RELB: variants seen among roughly 807,000 people sequenced by gnomAD.
RELB encodes the protein RELB proto-oncogene, NF-kB subunit, also known as transcription factor RelB.
In RELB, 14 loss-of-function variants were observed where a neutral mutation model predicts 55.4. That is an observed-to-expected ratio of 0.25 (90% CI 0.17 to 0.40). RELB has a LOEUF of 0.40. Among genes scored for constraint, RELB ranks in the 10% least tolerant of loss-of-function variants. RELB has a pLI of 1.00. For synonymous variants in RELB, 409 were observed against 371.3 expected, an observed-to-expected ratio of 1.10 and a Z score of -1.17; for missense variants, 669 against 830.7, an observed-to-expected ratio of 0.81 and a Z score of 2.39.
intron 5 of RELB, among the ~76,000 whole-genome samples, chr19:45,023,424 C>T (rs1224814760): frequency 6.6e-6 from 1 of 151,514 alleles, no homozygotes; most frequent in Non-Finnish European, 1.5e-5. Flanking sequence ...TTCCTTCCTT[C>T]CTTCCTTCCG....
chr19:45,021,456 CAAAAAAAA>C (rs527934701), intron 4 of RELB, among the ~76,000 whole-genome samples: 854 of 68,920 alleles, frequency 0.012, 13 homozygotes, highest in African/African-American at 0.052. Context: ...GACTCCATCT[CAAAAAAAA>C]AAAAAAAAAA....
intron 4 of RELB, among the ~76,000 whole-genome samples, chr19:45,014,664 C>T (rs559783765): frequency 3.1e-4 from 45 of 144,560 alleles, no homozygotes; most frequent in African/African-American, 1.0e-3. Context: ...ATTACAGGCA[C>T]GCGCCATGAT....
At chr19:45,036,272 C>A (rs1013764554) in intron 11 of RELB, among the ~76,000 whole-genome samples, 1 of 152,264 alleles carries the variant, frequency 6.6e-6, no homozygotes, top group African/African-American at 2.4e-5. Context: ...GGGGTTTCGC[C>A]ATGTTGGCCG....
rs1971716126 is a variant in RELB, at chr19:45,037,803, AGAG to A, written c.*18_*20del. The A allele has an allele frequency of 6.8e-7, 1 of 1,478,174 alleles. No individual in the cohort carries two copies. Among genetic ancestry groups the A allele is most frequent in the African/African-American group, 1.5e-5 (1 of 68,902 alleles). The allele number at this position is 1,478,174 out of a possible 1,614,324, so 91.6% of individuals were successfully genotyped here. A position where few individuals can be genotyped will look rare whatever the true frequency, so the allele number is the denominator to read the frequency against. The stretch of plus-strand genomic sequence containing the variant: ...TGAAGCCACGTAGCCCCGCGATGCC[AGAG>A]GAGGGGCACTGGGTGGGGAGGGAGG... On this transcript the variant is annotated 3_prime_UTR_variant, in exon 12 of 12. Coordinates refer to ENST00000221452, the MANE Select transcript of RELB (RefSeq NM_006509.4).
chr19:45,016,512 G>C (rs745354463), intron 4 of RELB, among the ~76,000 whole-genome samples: 2 of 152,124 alleles, frequency 1.3e-5, no homozygotes, highest in African/African-American at 2.4e-5. Flanking sequence ...GTGCAGGGTT[G>C]CGGTTGGTGA....
At chr19:45,010,526 G>A (rs866333195) in intron 3 of RELB, among the ~76,000 whole-genome samples, 3 of 151,854 alleles carry the variant, frequency 2.0e-5, no homozygotes, top group Non-Finnish European at 4.4e-5. Flanking sequence ...TAAACAGGAC[G>A]AGGGAGAGAT....
chr19:45,037,650 C>T lies in RELB; in HGVS notation c.1600C>T (p.Leu534=). The change falls in exon 12 of 12, where the codon CTG becomes TTG. Residue 534 remains leucine, a synonymous_variant. Transcript: ENST00000221452. Reference sequence around the variant, plus strand: ...TGGGGAGACCCCCGGCCCTGAACCACTGACACTGGACTCGTACCAGGCCCC... The same window carrying T: ...TGGGGAGACCCCCGGCCCTGAACCATTGACACTGGACTCGTACCAGGCCCC... ...VVGETPGPEP[L]TLDSYQAPGP... 8.1e-6 allele frequency: 13 copies of T among 1,598,076 alleles called. No homozygotes were observed. The highest frequency in any genetic ancestry group is 2.7e-5 in the African/African-American group (2 of 74,002).
chr19:45,011,038 G>A (rs1971344335), intron 3 of RELB, among the ~76,000 whole-genome samples: 1 of 152,118 alleles, frequency 6.6e-6, no homozygotes, highest in Non-Finnish European at 1.5e-5. Flanking sequence ...TTTTAGTGGA[G>A]ATGGGGTTTC....
chr19:45,033,871 T>C (rs1346504329), intron 9 of RELB, among the ~76,000 whole-genome samples: 1 of 140,762 alleles, frequency 7.1e-6, no homozygotes, highest in Non-Finnish European at 1.5e-5. Flanking sequence ...AAAAAAAAAA[T>C]AGGCCTGGCA....
intron 3 of RELB, 49 bp downstream of exon 3, chr19:45,009,871 C>A: frequency 6.4e-7 from 1 of 1,561,186 alleles, no homozygotes. Context: ...ACCCAAGTGC[C>A]TACAGAAGGG....
At chr19:45,025,283 T>A in intron 5 of RELB, 46 bp from the exon 6 acceptor site, 1 of 1,402,604 alleles carries the variant, frequency 7.1e-7, no homozygotes, top group Non-Finnish European at 9.9e-7. Flanking sequence ...AGGGCCACAC[T>A]TGCCTGCTCA....
chr19:45,029,030 G>T lies in RELB; in HGVS notation c.991+38G>T, dbSNP rs756413054. ...GGGCAGCAAGCTTGGGCAGAGCGGG[G>T]TCTGGCAACTTGGAGGGGTAGCCAG... On this transcript the variant is annotated intron_variant, in intron 8 of 11. Coordinates refer to ENST00000221452, the MANE Select transcript of RELB (RefSeq NM_006509.4). The T allele has an allele frequency of 1.1e-5, 16 of 1,454,964 alleles. No homozygotes were observed. In the Admixed American group the frequency reaches 2.8e-4, roughly 25 times the overall value. The allele number at this position is 1,454,964 out of a possible 1,614,324, so 90.1% of individuals were successfully genotyped here.
chr19:45,022,307 G>C, intron 5 of RELB, 97 bp downstream of exon 5: 2 of 1,250,440 alleles, frequency 1.6e-6, no homozygotes, highest in Non-Finnish European at 2.2e-6. Context: ...GGGCAGCTTG[G>C]GTAAACCCTC....
chr19:45,032,669 C>G lies in RELB; in HGVS notation c.1127C>G (p.Thr376Arg). ...GACCTGGAGATTGTCGAGCCCGTGA[C>G]AGTCAACGTCTTCCTGCAGCGGCTC... ...YEDLEIVEPV[T>R]VNVFLQRLTD... The change falls in exon 9 of 12, where the codon ACA (threonine) becomes AGA (arginine). Residue 376 changes from threonine to arginine, a missense_variant. This residue lies in a region of RELB where 341 missense variants were observed against 436.8 expected (regional missense o/e 0.78). Coordinates refer to ENST00000221452, the MANE Select transcript of RELB (RefSeq NM_006509.4). 6.2e-7 allele frequency: 1 copy of G among 1,611,910 alleles called. No individual in the cohort carries two copies.
At position 45,025,777 on chromosome 19, in the gene RELB, C is replaced by T. The variant is rs1433940472; in HGVS notation, c.886+40C>T. ...CTGTGGCCGTTAGGATTGCCCTTGG[C>T]TGCAGGTGTCAGAATGTCCCGCTTA... On this transcript the variant is annotated intron_variant, in intron 7 of 11. Coordinates refer to ENST00000221452, the MANE Select transcript of RELB (RefSeq NM_006509.4). 3.1e-6 allele frequency: 5 copies of T among 1,612,458 alleles called. No individual in the cohort carries two copies. The East Asian group carries it at 8.9e-5, about 29-fold the overall frequency.
chr19:45,027,622 T>C (rs1850656924), intron 7 of RELB, among the ~76,000 whole-genome samples: 1 of 152,144 alleles, frequency 6.6e-6, no homozygotes, highest in East Asian at 1.9e-4. Context: ...GTCTGGGGCA[T>C]GCGCTCAATT....
chr19:45,021,972 C>A (rs1386704614), intron 4 of RELB, 81 bp from the exon 5 acceptor site: 2 of 1,381,318 alleles, frequency 1.4e-6, no homozygotes, highest in Non-Finnish European at 9.8e-7. Context: ...GATTGGGGAG[C>A]TGCCAAGGAA....
intron 2 of RELB, among the ~76,000 whole-genome samples, chr19:45,003,906 GTTTTTTGTGTTTTTT>G (rs1971246759): frequency 3.2e-5 from 2 of 62,538 alleles, no homozygotes; most frequent in African/African-American, 1.1e-4. Flanking sequence ...TTTTTTGTCT[GTTTTTTGTGTTTTTT>G]TTTTTTTTTT....
intron 4 of RELB, among the ~76,000 whole-genome samples, chr19:45,016,444 C>G (rs777649111): frequency 6.6e-6 from 1 of 152,162 alleles, no homozygotes; most frequent in Non-Finnish European, 1.5e-5. Context: ...TTGTTAATGC[C>G]GTGGCCACAA....
Sources: allele counts gnomAD v4.1 joint callset (sites outside exome capture counted in the v4.1 genomes callset), GRCh38; gene constraint gnomAD v4.1.1; regional missense constraint gnomAD v4.1.1; transcripts MANE v1.5; gene names NCBI Gene and HGNC (gene_info 2026-07-23, HGNC 2026-07-21).